Variants in NELL1 observed in about 807,000 individuals in gnomAD.
NELL1 encodes the protein neural EGFL like 1.
A neutral mutation model predicts 107.4 loss-of-function variants in NELL1; 76 were observed. The ratio of observed to expected loss-of-function variants is 0.71; its 90% CI spans 0.59 to 0.86. The LOEUF (loss-of-function observed/expected upper bound fraction) is 0.86. Among genes scored for constraint, NELL1 ranks in the 40% least tolerant of loss-of-function variants. NELL1 has a pLI of 0.00. For missense variants in NELL1, 1,024 were observed against 1,005.5 expected (o/e 1.02, Z -0.25); for synonymous variants, 353 against 341.2 (o/e 1.03, Z -0.38).
intron 1 of NELL1, among the ~76,000 whole-genome samples, chr11:20,676,132 T>C (rs1235664358): frequency 6.6e-6 from 1 of 152,130 alleles, no homozygotes; most frequent in African/African-American, 2.4e-5. Context: ...CACTCCCAGT[T>C]TGTTCCTCGT....
rs559270738 is a variant in NELL1, at chr11:21,273,517, G to T, written c.1549+44063G>T. On this transcript the variant is annotated intron_variant, in intron 14 of 19. Transcript: ENST00000357134. ...CAGGAGAACTTCCCCAATCTAGCAAGGCAGGCCAACATTCAAATTCAGGAA... is the reference window on the plus strand; with the variant it reads ...CAGGAGAACTTCCCCAATCTAGCAATGCAGGCCAACATTCAAATTCAGGAA... Among the ~76,000 whole-genome samples, 5 of 152,274 alleles carry T rather than the reference G, an allele frequency of 3.3e-5. No homozygotes were observed. The South Asian group carries it at 8.3e-4, about 25-fold the overall frequency.
intron 12 of NELL1, among the ~76,000 whole-genome samples, chr11:21,084,180 G>T (rs1854335115): frequency 6.6e-6 from 1 of 152,156 alleles, no homozygotes; most frequent in African/African-American, 2.4e-5. Context: ...TGCCGTTGCA[G>T]ATAATAGTGA....
intron 15 of NELL1, among the ~76,000 whole-genome samples, chr11:21,438,606 C>T (rs982263142): frequency 6.6e-6 from 1 of 152,012 alleles, no homozygotes; most frequent in Non-Finnish European, 1.5e-5. Flanking sequence ...TTGAATATTT[C>T]TTCACTTGAT....
At chr11:20,694,064 C>G (rs1854548049) in intron 2 of NELL1, among the ~76,000 whole-genome samples, 1 of 152,188 alleles carries the variant, frequency 6.6e-6, no homozygotes, top group Non-Finnish European at 1.5e-5. Context: ...ACCCTCTCTT[C>G]CAGTTGATTG....
intron 15 of NELL1, among the ~76,000 whole-genome samples, chr11:21,493,394 C>G (rs1221049050): frequency 6.6e-6 from 1 of 152,062 alleles, no homozygotes; most frequent in Non-Finnish European, 1.5e-5. Context: ...CTATGAAGTA[C>G]TATTTCTCCA....
In NELL1 at chr11:21,377,531, T is replaced by C. The variant is rs145744645; in HGVS notation, c.1645+6583T>C. Among the ~76,000 whole-genome samples, 821 of 152,096 alleles carry C rather than the reference T, an allele frequency of 5.4e-3. 7 individuals carry two copies. Among genetic ancestry groups the C allele is most frequent in the African/African-American group, 0.018 (767 of 41,526 alleles). On this transcript the variant is annotated intron_variant, in intron 15 of 19. Coordinates refer to ENST00000357134, the MANE Select transcript of NELL1 (RefSeq NM_006157.5). ...CTTTTATCATTGTACCTTTGTCAGG[T>C]TTTGCTATTAGGGTGATGCTGTCTT...
chr11:21,055,693 G>C (rs1042445989), intron 12 of NELL1, among the ~76,000 whole-genome samples: 2 of 152,074 alleles, frequency 1.3e-5, no homozygotes, highest in African/African-American at 4.8e-5. Flanking sequence ...ACCCAGGAGG[G>C]ATTGGTTAAA....
chr11:21,367,964 C>T (rs1590873880), intron 14 of NELL1, among the ~76,000 whole-genome samples: 1 of 152,090 alleles, frequency 6.6e-6, no homozygotes, highest in Non-Finnish European at 1.5e-5. Context: ...CATTGAAATG[C>T]TGAGTTCATA....
chr11:21,339,327 G>A (rs1412397350), intron 14 of NELL1, among the ~76,000 whole-genome samples: 2 of 152,182 alleles, frequency 1.3e-5, no homozygotes, highest in African/African-American at 4.8e-5. Context: ...GATACTGATG[G>A]CTTACCACCA....
intron 2 of NELL1, among the ~76,000 whole-genome samples, chr11:20,756,516 A>ATTTTTTTTTTTTTTTT: frequency 1.0e-5 from 1 of 97,322 alleles, no homozygotes; most frequent in African/African-American, 4.1e-5. Flanking sequence ...ATTTTTTGTA[A>ATTTTTTTTTTTTTTTT]TTTTTTTTTT....
intron 14 of NELL1, among the ~76,000 whole-genome samples, chr11:21,353,067 G>T (rs1325464819): frequency 6.6e-6 from 1 of 152,102 alleles, no homozygotes; most frequent in Admixed American, 6.6e-5. Context: ...GTTGAGAATA[G>T]CTCTCCAGTT....
intron 14 of NELL1, among the ~76,000 whole-genome samples, chr11:21,262,321 G>T (rs947701393): frequency 4.0e-5 from 6 of 151,728 alleles, no homozygotes; most frequent in African/African-American, 1.5e-4. Context: ...TCTGTCGGGT[G>T]AGAGCCCCGT....
intron 4 of NELL1, among the ~76,000 whole-genome samples, chr11:20,870,621 C>A (rs754071146): frequency 6.6e-6 from 1 of 152,164 alleles, no homozygotes; most frequent in African/African-American, 2.4e-5. Context: ...GGATTTGGAA[C>A]TTCATCAGAC....
intron 15 of NELL1, among the ~76,000 whole-genome samples, chr11:21,393,484 G>A (rs375682861): frequency 5.3e-5 from 8 of 151,852 alleles, no homozygotes; most frequent in African/African-American, 1.9e-4. Context: ...TGGCTGATGA[G>A]CAATTTATTT....
intron 12 of NELL1, among the ~76,000 whole-genome samples, chr11:21,086,395 C>T (rs1854392102): frequency 6.6e-6 from 1 of 152,080 alleles, no homozygotes; most frequent in Non-Finnish European, 1.5e-5. Flanking sequence ...ACTAAAAGCA[C>T]TAGTATTTTC....
intron 5 of NELL1, among the ~76,000 whole-genome samples, chr11:20,897,995 T>C (rs1321376232): frequency 1.3e-5 from 2 of 152,202 alleles, no homozygotes; most frequent in Non-Finnish European, 2.9e-5. Flanking sequence ...GTTCAGCCAT[T>C]GTGAAAGTCA....
chr11:21,006,454 G>A (rs1025885616), intron 12 of NELL1, among the ~76,000 whole-genome samples: 9 of 152,028 alleles, frequency 5.9e-5, no homozygotes, highest in African/African-American at 2.2e-4. Context: ...TACCCAGTCT[G>A]TGGTATTCTG....
intron 14 of NELL1, among the ~76,000 whole-genome samples, chr11:21,306,635 G>A (rs1849610598): frequency 6.6e-6 from 1 of 151,972 alleles, no homozygotes. Flanking sequence ...TTACTCAGAT[G>A]AAACTCTCAT....
Position 20,885,547 on chromosome 11 carries a change from A to C in NELL1, c.603+7A>C. ...AAAGCATGGCTTATTCAAAGTAAGCACTAACGTTCTTTTTATTGAAGTATA... is the reference window on the plus strand; with the variant it reads ...AAAGCATGGCTTATTCAAAGTAAGCCCTAACGTTCTTTTTATTGAAGTATA... On this transcript the variant is annotated splice_region_variant and intron_variant, in intron 5 of 19. Transcript: ENST00000357134. 2 of 1,545,006 alleles carry C rather than the reference A, an allele frequency of 1.3e-6. No individual in the cohort carries two copies. The highest frequency in any genetic ancestry group is 1.8e-6 in the Non-Finnish European group (2 of 1,117,086).
Sources: gnomAD v4.1 joint callset for allele counts (sites outside exome capture counted in the v4.1 genomes callset) on GRCh38, gnomAD v4.1.1 for gene constraint, MANE v1.5 for transcripts, NCBI Gene and HGNC (gene_info 2026-07-23, HGNC 2026-07-21) for gene names.